Variants in MECOM observed in about 807,000 individuals in gnomAD.
MECOM encodes the protein MDS1 and EVI1 complex locus, also known as histone-lysine N-methyltransferase MECOM.
In MECOM, 13 loss-of-function variants were observed where a neutral mutation model predicts 116.3. The ratio of observed to expected loss-of-function variants is 0.11; its 90% confidence interval spans 0.07 to 0.18. The LOEUF (loss-of-function observed/expected upper bound fraction) is 0.18. MECOM is among the 10% of genes least tolerant of loss of function. MECOM has a pLI of 1.00. For missense variants in MECOM, 1,299 were observed against 1,509.0 expected (o/e 0.86, Z 2.31); for synonymous variants, 528 against 535.2 (o/e 0.99, Z 0.19).
chr3:169,396,966 T>G (rs10804832), intron 1 of MECOM, among the ~76,000 whole-genome samples: 43,097 of 151,814 alleles, frequency 0.28, 6,442 homozygotes, highest in East Asian at 0.4. Flanking sequence ...GAGTGAGACT[T>G]CATCTCAAAA....
chr3:169,562,001 C>T (rs558575915), intron 1 of MECOM, among the ~76,000 whole-genome samples: 1 of 151,648 alleles, frequency 6.6e-6, no homozygotes, highest in South Asian at 2.1e-4. Flanking sequence ...CAAAAATTAG[C>T]CCGGCATGGT....
At chr3:169,188,971 T>G (rs900502352) in intron 2 of MECOM, among the ~76,000 whole-genome samples, 1 of 152,112 alleles carries the variant, frequency 6.6e-6, no homozygotes, top group Non-Finnish European at 1.5e-5. Context: ...CTCAGTTATG[T>G]CACATTTATA....
chr3:169,468,112 A>G (rs1748612253), intron 1 of MECOM, among the ~76,000 whole-genome samples: 1 of 129,224 alleles, frequency 7.7e-6, no homozygotes, highest in Non-Finnish European at 1.8e-5. Context: ...AACAAAACCC[A>G]CTAATTTTTT....
chr3:169,263,077 C>CTATA (rs748506622), intron 2 of MECOM, among the ~76,000 whole-genome samples: 23 of 32,932 alleles, frequency 7.0e-4, no homozygotes, highest in African/African-American at 1.2e-3. Flanking sequence ...TTTCAAGATG[C>CTATA]TATATATATA....
chr3:169,416,357 C>G (rs1308607662), intron 1 of MECOM, among the ~76,000 whole-genome samples: 2 of 152,072 alleles, frequency 1.3e-5, no homozygotes, highest in African/African-American at 2.4e-5. Flanking sequence ...ACCAGAATGC[C>G]TAGGATACAG....
At chr3:169,659,088 AAAAG>A (rs1297408566) in intron 1 of MECOM, among the ~76,000 whole-genome samples, 5 of 151,038 alleles carry the variant, frequency 3.3e-5, no homozygotes, top group East Asian at 3.9e-4. Flanking sequence ...AAAAAAAAAA[AAAAG>A]AAAGAGAAAG....
intron 2 of MECOM, among the ~76,000 whole-genome samples, chr3:169,275,352 A>C (rs973763582): frequency 2.6e-5 from 4 of 152,184 alleles, no homozygotes; most frequent in African/African-American, 4.8e-5. Context: ...CTATCCTCAT[A>C]GGGTTAGATA....
chr3:169,152,853 A>G (rs1005134174), intron 2 of MECOM, among the ~76,000 whole-genome samples: 1 of 152,228 alleles, frequency 6.6e-6, no homozygotes, highest in South Asian at 2.1e-4. Context: ...TTAATATTTT[A>G]TAGTATATTT....
At chr3:169,196,571 G>A (rs948214813) in intron 2 of MECOM, among the ~76,000 whole-genome samples, 2 of 151,846 alleles carry the variant, frequency 1.3e-5, no homozygotes, top group South Asian at 2.1e-4. Context: ...CTAATTCAGT[G>A]GTAATAAGGG....
chr3:169,411,897 A>C (rs1560238246), intron 1 of MECOM, among the ~76,000 whole-genome samples: 1 of 152,078 alleles, frequency 6.6e-6, no homozygotes, highest in Non-Finnish European at 1.5e-5. Flanking sequence ...AGGCCGAGGC[A>C]GGAGAATCGC....
At chr3:169,638,830 T>C (rs1256870726) in intron 1 of MECOM, among the ~76,000 whole-genome samples, 1 of 152,178 alleles carries the variant, frequency 6.6e-6, no homozygotes, top group Admixed American at 6.5e-5. Flanking sequence ...GAGTGGATGC[T>C]GGAAAGCAGA....
intron 1 of MECOM, among the ~76,000 whole-genome samples, chr3:169,627,973 A>G (rs1366937927): frequency 6.6e-6 from 1 of 152,238 alleles, no homozygotes; most frequent in Admixed American, 6.5e-5. Context: ...CTGTGCAAAC[A>G]TAAAGTCAGA....
At chr3:169,533,883 G>C (rs548286676) in intron 1 of MECOM, among the ~76,000 whole-genome samples, 1 of 152,132 alleles carries the variant, frequency 6.6e-6, no homozygotes, top group East Asian at 1.9e-4. Flanking sequence ...TTGGCAAAAG[G>C]AAGAGTTTTT....
intron 2 of MECOM, among the ~76,000 whole-genome samples, chr3:169,155,498 G>A (rs1463060531): frequency 6.6e-6 from 1 of 152,008 alleles, no homozygotes; most frequent in Non-Finnish European, 1.5e-5. Context: ...TTAGGCCTGA[G>A]TTTTTGTGGC....
intron 1 of MECOM, among the ~76,000 whole-genome samples, chr3:169,600,642 A>G (rs553390002): frequency 6.6e-6 from 1 of 152,310 alleles, no homozygotes; most frequent in African/African-American, 2.4e-5. Flanking sequence ...TTTCCATTAT[A>G]AACCGCATTT....
chr3:169,394,829 T>A (rs996174795), intron 1 of MECOM, among the ~76,000 whole-genome samples: 6 of 152,110 alleles, frequency 3.9e-5, no homozygotes, highest in African/African-American at 1.2e-4. Flanking sequence ...GTACAAAGGA[T>A]TTATGAATTT....
At chr3:169,450,760 C>A (rs1488227257) in intron 1 of MECOM, among the ~76,000 whole-genome samples, 1 of 152,042 alleles carries the variant, frequency 6.6e-6, no homozygotes. Flanking sequence ...ACGTACATAC[C>A]ACTGAGTTTA....
At chr3:169,589,949 C>A (rs2109623778) in intron 1 of MECOM, among the ~76,000 whole-genome samples, 1 of 152,238 alleles carries the variant, frequency 6.6e-6, no homozygotes, top group African/African-American at 2.4e-5. Context: ...CTTGCAAGAC[C>A]CTTTAAAATT....
intron 1 of MECOM, among the ~76,000 whole-genome samples, chr3:169,619,429 C>G (rs1475871889): frequency 1.3e-5 from 2 of 152,326 alleles, no homozygotes; most frequent in South Asian, 2.1e-4. Flanking sequence ...CCACCTGGCC[C>G]TTCCCCTCCT....
Sources: gnomAD v4.1 joint callset for allele counts (sites outside exome capture counted in the v4.1 genomes callset) on GRCh38, gnomAD v4.1.1 for gene constraint, MANE v1.5 for transcripts, NCBI Gene and HGNC (gene_info 2026-07-23, HGNC 2026-07-21) for gene names.